The following MYO3B variants were observed in gnomAD, a reference collection of about 807,000 sequenced individuals.
The protein encoded by MYO3B is myosin-IIIb.
Under a neutral mutation model 174.6 loss-of-function variants are expected in MYO3B, and 156 were observed. That is an observed-to-expected ratio of 0.89 (90% CI 0.78 to 1.02). MYO3B has a LOEUF of 1.02. Ranked by LOEUF, MYO3B falls within the 50% of genes least tolerant of loss-of-function variation. The probability of loss-of-function intolerance (pLI) is 0.00; values close to 1 mark genes in which losing one functional copy is unlikely to be tolerated. For missense variants in MYO3B, 1,632 were observed against 1,639.4 expected (o/e 1.00, Z 0.08); for synonymous variants, 563 against 569.1 (o/e 0.99, Z 0.15).
In MYO3B at chr2:170,361,044, T is replaced by G. The variant is rs113280902; in HGVS notation, c.816-8178T>G. On this transcript the variant is annotated intron_variant, in intron 8 of 34. Coordinates refer to ENST00000408978, the MANE Select transcript of MYO3B (RefSeq NM_138995.5). ...TAATTATCAATAGGTGTACCACAGC[T>G]ATCTTCCTCCAATGGACTGACTGAC... Among the ~76,000 whole-genome samples the G allele has an allele frequency of 1.6e-3, 240 of 152,382 alleles. 1 individual carries two copies. The highest frequency in any genetic ancestry group is 5.1e-3 in the African/African-American group (213 of 41,598).
At chr2:170,624,497 CAT>C (rs990068844) in intron 32 of MYO3B, among the ~76,000 whole-genome samples, 1 of 152,212 alleles carries the variant, frequency 6.6e-6, no homozygotes, top group African/African-American at 2.4e-5. Flanking sequence ...GATATACAAT[CAT>C]GTCATCTGCA....
intron 7 of MYO3B, among the ~76,000 whole-genome samples, chr2:170,312,408 C>A (rs1181457304): frequency 6.6e-6 from 1 of 152,234 alleles, no homozygotes; most frequent in African/African-American, 2.4e-5. Flanking sequence ...AGTACAGCTC[C>A]TGGCTTTTAG....
chr2:170,396,972 T>G (rs1299447509), intron 16 of MYO3B, among the ~76,000 whole-genome samples: 1 of 152,304 alleles, frequency 6.6e-6, no homozygotes, highest in African/African-American at 2.4e-5. Flanking sequence ...TTTTACCCCC[T>G]GGGATCTGCC....
intron 16 of MYO3B, among the ~76,000 whole-genome samples, chr2:170,392,747 T>C (rs548686451): frequency 1.3e-5 from 2 of 152,280 alleles, no homozygotes; most frequent in Non-Finnish European, 2.9e-5. Context: ...TAACGAGAAG[T>C]CCAGATGAAC....
At chr2:170,487,954 A>G (rs959316053) in intron 25 of MYO3B, among the ~76,000 whole-genome samples, 2 of 152,246 alleles carry the variant, frequency 1.3e-5, no homozygotes, top group Admixed American at 6.5e-5. Context: ...GGAAAAAAAT[A>G]GAGAAATAAA....
chr2:170,366,136 A>G (rs2094196394), intron 8 of MYO3B, among the ~76,000 whole-genome samples: 1 of 152,084 alleles, frequency 6.6e-6, no homozygotes, highest in Non-Finnish European at 1.5e-5. Context: ...AGTTTCTCCT[A>G]ATAAAACCCT....
intron 9 of MYO3B, 106 bp downstream of exon 9, chr2:170,369,483 A>AT: frequency 7.8e-7 from 1 of 1,276,046 alleles, no homozygotes; most frequent in Middle Eastern, 2.0e-4. Context: ...ACATTCCTGC[A>AT]TTTTTAAGAG....
At chr2:170,449,217 T>C (rs887007388) in intron 23 of MYO3B, among the ~76,000 whole-genome samples, 2 of 152,224 alleles carry the variant, frequency 1.3e-5, no homozygotes, top group African/African-American at 2.4e-5. Context: ...TTATTAGCTC[T>C]ATAAGTCAAC....
At chr2:170,195,349 G>T (rs1291798207) in intron 1 of MYO3B, among the ~76,000 whole-genome samples, 7 of 151,962 alleles carry the variant, frequency 4.6e-5, no homozygotes, top group African/African-American at 1.7e-4. Flanking sequence ...ACAGAAGAAC[G>T]GCAGAACGGC....
intron 16 of MYO3B, 136 bp from the exon 17 acceptor site, chr2:170,400,052 G>T: frequency 8.7e-7 from 1 of 1,146,142 alleles, no homozygotes; most frequent in Non-Finnish European, 1.3e-6. Context: ...AAGAAGTTTG[G>T]GAAATTTTGC....
At chr2:170,575,667 A>G (rs1692740246) in intron 32 of MYO3B, among the ~76,000 whole-genome samples, 1 of 152,258 alleles carries the variant, frequency 6.6e-6, no homozygotes, top group African/African-American at 2.4e-5. Flanking sequence ...TATTATGGAC[A>G]AACATACCCT....
At chr2:170,217,487 T>C (rs2092843543) in intron 6 of MYO3B, 92 bp downstream of exon 6, 4 of 1,109,462 alleles carry the variant, frequency 3.6e-6, no homozygotes, top group Non-Finnish European at 5.5e-6. Context: ...TTGCAGAATT[T>C]TTAGGGAGAA....
At chr2:170,591,250 G>A (rs543291899) in intron 32 of MYO3B, among the ~76,000 whole-genome samples, 1 of 152,282 alleles carries the variant, frequency 6.6e-6, no homozygotes, top group South Asian at 2.1e-4. Flanking sequence ...GTATCAATAT[G>A]TGTCTGCAAC....
At chr2:170,297,752 A>G (rs2093638055) in intron 7 of MYO3B, among the ~76,000 whole-genome samples, 1 of 152,192 alleles carries the variant, frequency 6.6e-6, no homozygotes, top group Non-Finnish European at 1.5e-5. Flanking sequence ...ATTTAGTAAA[A>G]CACTGAAAGG....
chr2:170,426,047 G>A (rs1471165520), intron 22 of MYO3B, among the ~76,000 whole-genome samples: 1 of 150,288 alleles, frequency 6.7e-6, no homozygotes, highest in African/African-American at 2.4e-5. Context: ...ACAAAAGTAA[G>A]TAGATTTCCA....
At chr2:170,227,097 C>T (rs2092959773) in intron 6 of MYO3B, among the ~76,000 whole-genome samples, 1 of 152,188 alleles carries the variant, frequency 6.6e-6, no homozygotes, top group African/African-American at 2.4e-5. Context: ...CCCACCCAAG[C>T]CAAACTCTAC....
At chr2:170,369,620 G>C (rs1276689911) in intron 9 of MYO3B, among the ~76,000 whole-genome samples, 1 of 151,682 alleles carries the variant, frequency 6.6e-6, no homozygotes, top group Non-Finnish European at 1.5e-5. Flanking sequence ...ACTCTGCCCT[G>C]GTGTTCAGTT....
intron 32 of MYO3B, among the ~76,000 whole-genome samples, chr2:170,630,779 C>T (rs1346164197): frequency 2.0e-5 from 3 of 152,204 alleles, no homozygotes; most frequent in South Asian, 2.1e-4. Flanking sequence ...TGGAGTGGAC[C>T]TCCAACAAAC....
At chr2:170,245,098 C>T (rs1032890565) in intron 7 of MYO3B, among the ~76,000 whole-genome samples, 2 of 152,164 alleles carry the variant, frequency 1.3e-5, no homozygotes, top group African/African-American at 4.8e-5. Context: ...CTCTGCTGAC[C>T]GTCCTGCCAA....
Sources: gnomAD v4.1 joint callset for allele counts (sites outside exome capture counted in the v4.1 genomes callset) on GRCh38, gnomAD v4.1.1 for gene constraint, MANE v1.5 for transcripts, NCBI Gene and HGNC (gene_info 2026-07-23, HGNC 2026-07-21) for gene names.